The following IL1RAPL1 variants were observed in gnomAD, a reference collection of about 807,000 sequenced individuals.
The protein encoded by IL1RAPL1 is interleukin 1 receptor accessory protein like 1.
IL1RAPL1 carries 3 observed loss-of-function variants against 48.4 expected under a neutral mutation model. The ratio of observed to expected loss-of-function variants is 0.06; its 90% CI spans 0.03 to 0.16. The LOEUF is 0.16. Ranked by LOEUF, IL1RAPL1 falls within the 10% of genes least tolerant of loss-of-function variation. The pLI is 1.00. For missense variants in IL1RAPL1, 349 were observed against 530.6 expected (o/e 0.66, Z 3.36); for synonymous variants, 185 against 187.7 (o/e 0.99, Z 0.12).
At chrX:28,653,729 G>T (rs1160517981) in intron 1 of IL1RAPL1, among the ~76,000 whole-genome samples, 1 of 111,518 alleles carries the variant, frequency 9.0e-6, no homozygotes, top group Non-Finnish European at 1.9e-5. Context: ...ACACTTCCAT[G>T]TTTGGTCCTG....
intron 1 of IL1RAPL1, among the ~76,000 whole-genome samples, chrX:28,788,786 A>G (rs1376212897): frequency 9.0e-6 from 1 of 110,954 alleles, no homozygotes; most frequent in African/African-American, 3.3e-5. Context: ...CATTCTTTTA[A>G]TAAAAACAAA....
At chrX:29,771,040 T>C (rs1929053434) in intron 6 of IL1RAPL1, among the ~76,000 whole-genome samples, 1 of 112,132 alleles carries the variant, frequency 8.9e-6, no homozygotes, top group African/African-American at 3.2e-5. Flanking sequence ...TATGTGCCTG[T>C]CATGTCATTC....
chrX:29,180,971 C>A (rs757201424), intron 2 of IL1RAPL1, among the ~76,000 whole-genome samples: 1 of 111,679 alleles, frequency 9.0e-6, no homozygotes. Context: ...TGAATTGATT[C>A]TTGGAAAATG....
intron 1 of IL1RAPL1, among the ~76,000 whole-genome samples, chrX:28,758,703 G>T (rs1043314499): frequency 9.0e-6 from 1 of 111,061 alleles, no homozygotes; most frequent in Non-Finnish European, 1.9e-5. Context: ...AATGAAGACT[G>T]GTAAAACCTA....
chrX:29,637,101 A>G (rs1016278548), intron 5 of IL1RAPL1, among the ~76,000 whole-genome samples: 2 of 109,321 alleles, frequency 1.8e-5, no homozygotes, highest in Non-Finnish European at 3.8e-5. Flanking sequence ...AGGAAACTCA[A>G]TAGATAAAAT....
intron 5 of IL1RAPL1, among the ~76,000 whole-genome samples, chrX:29,666,095 T>G (rs891257340): frequency 4.5e-5 from 5 of 111,395 alleles, no homozygotes; most frequent in African/African-American, 1.6e-4. Context: ...CAGTTTTTTT[T>G]TAAGTTATTA....
At chrX:29,702,957 A>C (rs1927092608) in intron 6 of IL1RAPL1, among the ~76,000 whole-genome samples, 2 of 112,532 alleles carry the variant, frequency 1.8e-5, no homozygotes, top group Admixed American at 9.4e-5. Context: ...TACCACATGA[A>C]TTAAAAATGA....
intron 5 of IL1RAPL1, among the ~76,000 whole-genome samples, chrX:29,444,386 A>G (rs1396838694): frequency 9.2e-6 from 1 of 108,907 alleles, no homozygotes; most frequent in African/African-American, 3.3e-5. Flanking sequence ...AGAGATATGC[A>G]TACAGAAATG....
At chrX:29,743,773 G>A (rs1023074544) in intron 6 of IL1RAPL1, among the ~76,000 whole-genome samples, 18 of 112,035 alleles carry the variant, frequency 1.6e-4, no homozygotes, top group Admixed American at 4.7e-4. Context: ...GTGAGCCACC[G>A]CACCCGGCCA....
rs765580565 is a variant in IL1RAPL1 at position 28,833,432 on chromosome X, T to C, written c.82+44007T>C. On this transcript the variant is annotated intron_variant, in intron 2 of 10. Coordinates refer to ENST00000378993, the MANE Select transcript of IL1RAPL1 (RefSeq NM_014271.4). ...TCCACAGTGGCTGAGCTAATTTACA[T>C]TCCCACCAACAGTGTGTAAGTGTTC... Among the ~76,000 whole-genome samples, 42 of 111,786 alleles carry C rather than the reference T, an allele frequency of 3.8e-4. 1 individual carries two copies. Among genetic ancestry groups the C allele is most frequent in the Non-Finnish European group, 7.5e-4 (40 of 53,043 alleles).
chrX:28,764,974 TA>T (rs1403223264), intron 1 of IL1RAPL1, among the ~76,000 whole-genome samples: 1 of 110,180 alleles, frequency 9.1e-6, no homozygotes, highest in African/African-American at 3.3e-5. Flanking sequence ...TATGCAGCCA[TA>T]AAAAAGGATG....
intron 1 of IL1RAPL1, among the ~76,000 whole-genome samples, chrX:28,762,478 C>T (rs751657345): frequency 2.7e-5 from 3 of 111,094 alleles, no homozygotes; most frequent in Admixed American, 9.6e-5. Flanking sequence ...AAAGAAGTAA[C>T]GTTATCTGCA....
At chrX:29,507,968 A>T (rs1172672259) in intron 5 of IL1RAPL1, among the ~76,000 whole-genome samples, 1 of 111,916 alleles carries the variant, frequency 8.9e-6, no homozygotes, top group African/African-American at 3.2e-5. Context: ...ACTCTATAGT[A>T]TGTACTTGGA....
At chrX:29,691,656 C>A (rs1306761885) in intron 6 of IL1RAPL1, among the ~76,000 whole-genome samples, 1 of 102,935 alleles carries the variant, frequency 9.7e-6, no homozygotes, top group Non-Finnish European at 1.9e-5. Flanking sequence ...TCAATACATT[C>A]AATTTTATAT....
At chrX:29,586,158 A>G (rs760789472) in intron 5 of IL1RAPL1, among the ~76,000 whole-genome samples, 2 of 111,870 alleles carry the variant, frequency 1.8e-5, no homozygotes, top group African/African-American at 6.5e-5. Flanking sequence ...GTGTGTTTTC[A>G]TAGTAGTTTT....
intron 5 of IL1RAPL1, among the ~76,000 whole-genome samples, chrX:29,581,851 T>A (rs1922971862): frequency 9.0e-6 from 1 of 111,668 alleles, no homozygotes; most frequent in Admixed American, 9.6e-5. Flanking sequence ...CACAGCCAAG[T>A]TTACTAGATC....
intron 6 of IL1RAPL1, among the ~76,000 whole-genome samples, chrX:29,718,370 C>T (rs1260837082): frequency 4.6e-5 from 5 of 108,477 alleles, no homozygotes; most frequent in Non-Finnish European, 7.6e-5. Context: ...AACCCAAACA[C>T]CACATGTTCT....
intron 2 of IL1RAPL1, among the ~76,000 whole-genome samples, chrX:29,205,900 A>AT (rs2147537753): frequency 1.0e-5 from 1 of 99,296 alleles, no homozygotes; most frequent in Non-Finnish European, 2.0e-5. Context: ...ACACCCAGCT[A>AT]ATTTTTTTTT....
intron 1 of IL1RAPL1, among the ~76,000 whole-genome samples, chrX:28,620,060 T>C (rs1019464412): frequency 3.6e-5 from 4 of 110,502 alleles, no homozygotes; most frequent in African/African-American, 1.3e-4. Context: ...CCAAAGGCTC[T>C]GAGAAGTCCT....
Sources: gnomAD v4.1 joint callset for allele counts (sites outside exome capture counted in the v4.1 genomes callset) on GRCh38, gnomAD v4.1.1 for gene constraint, MANE v1.5 for transcripts, NCBI Gene and HGNC (gene_info 2026-07-23, HGNC 2026-07-21) for gene names.